Variants in LMCD1 observed in about 807,000 individuals in gnomAD.
LMCD1 encodes LIM and cysteine rich domains 1, also known as LIM and cysteine-rich domains protein 1.
Under a neutral mutation model 42.7 loss-of-function variants are expected in LMCD1, and 32 were observed. The ratio of observed to expected loss-of-function variants is 0.75; its 90% CI spans 0.57 to 1.01. The LOEUF is 1.01. Among genes scored for constraint, LMCD1 ranks in the 50% least tolerant of loss-of-function variants. The probability of loss-of-function intolerance (pLI) is 0.00; values close to 1 mark genes in which losing one functional copy is unlikely to be tolerated. For missense variants in LMCD1, 458 were observed against 483.1 expected (o/e 0.95, Z 0.49); for synonymous variants, 178 against 184.9 (o/e 0.96, Z 0.30).
At chr3:8,508,966 A>G (rs556829026) in intron 1 of LMCD1, among the ~76,000 whole-genome samples, 2 of 152,330 alleles carry the variant, frequency 1.3e-5, no homozygotes, top group South Asian at 2.1e-4. Context: ...ACAAAGATCT[A>G]GATGTGACCT....
intron 2 of LMCD1, 98 bp downstream of exon 2, chr3:8,532,923 G>A (rs1694439741): frequency 3.1e-6 from 3 of 968,834 alleles, no homozygotes; most frequent in African/African-American, 1.6e-5. Context: ...TGCTTTGGTT[G>A]TATGCGTTGT....
At chr3:8,532,967 T>G (rs1574958799) in intron 2 of LMCD1, 142 bp downstream of exon 2, 1 of 698,026 alleles carries the variant, frequency 1.4e-6, no homozygotes, top group East Asian at 2.7e-5. Context: ...AAGGCACTCC[T>G]GCTTGGTCCA....
At chr3:8,544,386 G>T (rs1436219459) in intron 3 of LMCD1, among the ~76,000 whole-genome samples, 1 of 152,154 alleles carries the variant, frequency 6.6e-6, no homozygotes, top group African/African-American at 2.4e-5. Flanking sequence ...GCATTCAGAG[G>T]TGTGCAGACA....
chr3:8,560,987 G>A lies in LMCD1; in HGVS notation c.724-4445G>A, dbSNP rs577393352. Among the ~76,000 whole-genome samples, 6 of 152,228 alleles carry A rather than the reference G, an allele frequency of 3.9e-5. No homozygotes were observed. In the South Asian group the frequency reaches 8.3e-4, roughly 21 times the overall value. ...TCAGAAACTGCTATCAGTACATGACGTTCCTTGTTATTCAGTGTTCTTTTC... is the reference window on the plus strand; with the variant it reads ...TCAGAAACTGCTATCAGTACATGACATTCCTTGTTATTCAGTGTTCTTTTC... On this transcript the variant is annotated intron_variant, in intron 4 of 5. Coordinates refer to ENST00000157600, the MANE Select transcript of LMCD1 (RefSeq NM_014583.4).
At chr3:8,536,844 A>G (rs1460225841) in intron 2 of LMCD1, among the ~76,000 whole-genome samples, 9 of 152,214 alleles carry the variant, frequency 5.9e-5, no homozygotes, top group Admixed American at 5.9e-4. Flanking sequence ...GGCCAAGTTT[A>G]GGCTATGGGC....
At chr3:8,511,616 G>A (rs978923686) in intron 1 of LMCD1, among the ~76,000 whole-genome samples, 1 of 152,176 alleles carries the variant, frequency 6.6e-6, no homozygotes, top group African/African-American at 2.4e-5. Context: ...GTTAGGATCA[G>A]GCCATAGTCC....
chr3:8,546,663 G>GT (rs111715140), intron 3 of LMCD1, among the ~76,000 whole-genome samples: 17,161 of 152,194 alleles, frequency 0.11, 1,137 homozygotes, highest in South Asian at 0.22. Flanking sequence ...ACTAGGAATG[G>GT]TTAAGGACTA....
At chr3:8,502,069 T>G in intron 1 of LMCD1, 89 bp downstream of exon 1, 1 of 1,258,932 alleles carries the variant, frequency 7.9e-7, no homozygotes. Flanking sequence ...CAAAAGGTAA[T>G]GAGAAGGGAA....
At chr3:8,547,893 A>AG (rs990604649) in intron 3 of LMCD1, among the ~76,000 whole-genome samples, 81 of 152,232 alleles carry the variant, frequency 5.3e-4, no homozygotes, top group African/African-American at 1.7e-3. Flanking sequence ...CTCAAAAAAA[A>AG]AAGAAAAGAA....
At chr3:8,553,500 G>A (rs1168019579) in intron 4 of LMCD1, among the ~76,000 whole-genome samples, 1 of 152,248 alleles carries the variant, frequency 6.6e-6, no homozygotes, top group South Asian at 2.1e-4. Flanking sequence ...TGCTGTCTGA[G>A]CCCAGCCCAC....
At position 8,567,964 on chromosome 3, in the gene LMCD1, G is replaced by C. The variant is rs1213569189; in HGVS notation, c.*366G>C. The C allele has an allele frequency of 6.3e-6, 1 of 159,954 alleles. No homozygotes were observed. The highest frequency in any genetic ancestry group is 1.4e-5 in the Non-Finnish European group (1 of 73,488). 9.9% of individuals were successfully genotyped at this position (159,954 alleles called of 1,614,324 possible). ...CGAGTGAGCAAATCGCATAGCTGTA[G>C]AATGTGCGTGCTTTTTTGTGGACAC... On this transcript the variant is annotated 3_prime_UTR_variant, in exon 6 of 6. Coordinates refer to ENST00000157600, the MANE Select transcript of LMCD1 (RefSeq NM_014583.4).
At chr3:8,560,758 C>A (rs189568798) in intron 4 of LMCD1, among the ~76,000 whole-genome samples, 1 of 152,150 alleles carries the variant, frequency 6.6e-6, no homozygotes, top group African/African-American at 2.4e-5. Flanking sequence ...GGCTCCAAGC[C>A]AGCTGAGTCT....
At position 8,570,620 on chromosome 3, in the gene LMCD1, T is replaced by A. The variant is rs1695199103; in HGVS notation, c.*3022T>A. Reference sequence around the variant, plus strand: ...CGCTTTCACTCCATCCCCAAAGTCATATCTCACCTTGAACATTTTCTGCTC... The same window carrying A: ...CGCTTTCACTCCATCCCCAAAGTCAAATCTCACCTTGAACATTTTCTGCTC... On this transcript the variant is annotated 3_prime_UTR_variant, in exon 6 of 6. Transcript: ENST00000157600. The A allele has an allele frequency of 6.6e-6, 1 of 152,226 alleles. No individual in the cohort carries two copies. 9.4% of individuals were successfully genotyped at this position (152,226 alleles called of 1,614,324 possible).
chr3:8,574,496 A>G lies in LMCD1; in HGVS notation c.*6898A>G, dbSNP rs1574981934. The G allele has an allele frequency of 1.3e-5, 2 of 152,394 alleles. No individual in the cohort carries two copies. Among genetic ancestry groups the G allele is most frequent in the East Asian group, 3.9e-4 (2 of 5,188 alleles). The allele number at this position is 152,394 out of a possible 1,614,324, so 9.4% of individuals were successfully genotyped here. On this transcript the variant is annotated 3_prime_UTR_variant, in exon 6 of 6. Coordinates refer to ENST00000157600, the MANE Select transcript of LMCD1 (RefSeq NM_014583.4). ...GTGCAGGGTTGGGGAACGGAAGCTC[A>G]CACAGGAGGCCTGGACAGAGCTGCA...
intron 4 of LMCD1, among the ~76,000 whole-genome samples, chr3:8,561,295 G>A (rs1239932508): frequency 6.6e-6 from 1 of 152,090 alleles, no homozygotes; most frequent in Non-Finnish European, 1.5e-5. Context: ...GCAATATCAT[G>A]TGGGCACTTT....
At chr3:8,561,570 G>A (rs1695037745) in intron 4 of LMCD1, among the ~76,000 whole-genome samples, 1 of 152,212 alleles carries the variant, frequency 6.6e-6, no homozygotes, top group Non-Finnish European at 1.5e-5. Context: ...CGGATCTCAA[G>A]TCCACATGAT....
Position 8,568,838 on chromosome 3 carries a change from C to T in LMCD1, c.*1240C>T, listed in dbSNP as rs1437115332. ...AAGTCCTAGGAGCTTACGGTCTGGT[C>T]GCCAGTGGTTTTCTTTCTTGAACTT... On this transcript the variant is annotated 3_prime_UTR_variant, in exon 6 of 6. Transcript: ENST00000157600. 2 of 152,152 alleles carry T rather than the reference C, an allele frequency of 1.3e-5. No homozygotes were observed. Among genetic ancestry groups the T allele is most frequent in the African/African-American group, 4.8e-5 (2 of 41,442 alleles). The allele number at this position is 152,152 out of a possible 1,614,324, so 9.4% of individuals were successfully genotyped here.
rs187999993 is a variant in LMCD1, at chr3:8,546,617, G to A, written c.388-1951G>A. 1.4e-3 allele frequency among the ~76,000 whole-genome samples: 217 copies of A among 152,348 alleles called. 2 individuals are homozygous for A. Among genetic ancestry groups the A allele is most frequent in the South Asian group, 7.7e-3 (37 of 4,822 alleles). ...AGAAGGGACATGGCCTGCCCTCAGG[G>A]ATTGAACTGTCCCGCTAGAGGGTCA... On this transcript the variant is annotated intron_variant, in intron 3 of 5. Transcript: ENST00000157600.
chr3:8,556,501 G>A (rs1694935368), intron 4 of LMCD1, among the ~76,000 whole-genome samples: 1 of 152,074 alleles, frequency 6.6e-6, no homozygotes, highest in Admixed American at 6.6e-5. Flanking sequence ...AAACAAAGCT[G>A]AGGAAATTGT....
Sources: gnomAD v4.1 joint callset for allele counts (sites outside exome capture counted in the v4.1 genomes callset) on GRCh38, gnomAD v4.1.1 for gene constraint, MANE v1.5 for transcripts, NCBI Gene and HGNC (gene_info 2026-07-23, HGNC 2026-07-21) for gene names.